ZBTB16: variants seen among roughly 807,000 people sequenced by gnomAD.
ZBTB16 encodes zinc finger and BTB domain containing 16.
A neutral mutation model predicts 56.8 loss-of-function variants in ZBTB16; 8 were observed. The ratio of observed to expected loss-of-function variants is 0.14; its 90% CI spans 0.08 to 0.25. The LOEUF (loss-of-function observed/expected upper bound fraction) is 0.25. Ranked by LOEUF, ZBTB16 falls within the 10% of genes least tolerant of loss-of-function variation. The pLI is 1.00. For synonymous variants in ZBTB16, 363 were observed against 368.5 expected, an observed-to-expected ratio of 0.98 and a Z score of 0.17; for missense variants, 625 against 903.0, an observed-to-expected ratio of 0.69 and a Z score of 3.95.
At position 114,064,379 on chromosome 11, in the gene ZBTB16, C is replaced by G; in HGVS notation, c.1079C>G (p.Pro360Arg). 1 of 1,614,120 alleles carries G rather than the reference C, an allele frequency of 6.2e-7. No homozygotes were observed. The highest frequency in any genetic ancestry group is 1.1e-5 in the South Asian group (1 of 91,084). Residue 360 changes from proline to arginine, a missense_variant, in exon 2 of 7, where the codon CCT (proline) becomes CGT (arginine). Pro to Arg is a moderately radical substitution (Grantham distance 103). Coordinates refer to ENST00000335953, the MANE Select transcript of ZBTB16 (RefSeq NM_006006.6). The surrounding 1 kb of genome is among the most constrained non-coding windows in gnomAD (Gnocchi z 4.2). Reference protein sequence around the residue: ...SSVTSGLHVQPALAVSMDFST... With the variant: ...SSVTSGLHVQRALAVSMDFST... ...GTGACCTCTGGCCTCCACGTGCAGCCTGCCCTGGCTGTCTCCATGGACTTC... is the reference window on the plus strand; with the variant it reads ...GTGACCTCTGGCCTCCACGTGCAGCGTGCCCTGGCTGTCTCCATGGACTTC...
rs1179385194 is a variant in ZBTB16 at position 114,242,160 on chromosome 11, C to G, written c.1454-7C>G. 2 of 1,613,646 alleles carry G rather than the reference C, an allele frequency of 1.2e-6. No homozygotes were observed. The highest frequency in any genetic ancestry group is 1.1e-5 in the South Asian group (1 of 91,082). On this transcript the variant is annotated splice_region_variant and splice_polypyrimidine_tract_variant and intron_variant, in intron 4 of 6. Transcript: ENST00000335953. ...TTCTGAGGCACCCCCTCTCCTGTCT[C>G]CCACAGGCACTGACATGGCCGTCTT...
intron 2 of ZBTB16, 87 bp from the exon 3 acceptor site, chr11:114,156,250 G>T: frequency 7.4e-7 from 1 of 1,353,824 alleles, no homozygotes; most frequent in Non-Finnish European, 1.0e-6. Context: ...CTGCCAGAGG[G>T]ATGGCTGCCA....
intron 2 of ZBTB16, among the ~76,000 whole-genome samples, chr11:114,091,203 C>T (rs1210617027): frequency 2.6e-5 from 4 of 152,104 alleles, no homozygotes; most frequent in African/African-American, 4.8e-5. Context: ...TAAAAATTAA[C>T]GGGACGTTGT....
chr11:114,195,197 G>A (rs1166691320), intron 4 of ZBTB16, among the ~76,000 whole-genome samples: 1 of 152,212 alleles, frequency 6.6e-6, no homozygotes, highest in Admixed American at 6.5e-5. Context: ...GAGATAACTT[G>A]GCTGCTGAGC....
intron 2 of ZBTB16, among the ~76,000 whole-genome samples, chr11:114,145,590 A>C (rs1364795289): frequency 1.2e-4 from 18 of 152,214 alleles, no homozygotes; most frequent in Non-Finnish European, 2.9e-5. Context: ...AAAATAGGCA[A>C]ATCTGTAGAG....
At chr11:114,198,837 C>T (rs556335107) in intron 4 of ZBTB16, among the ~76,000 whole-genome samples, 22 of 152,324 alleles carry the variant, frequency 1.4e-4, no homozygotes, top group Admixed American at 5.9e-4. Context: ...TGTAAGGACA[C>T]GCATTCACCA....
At chr11:114,078,069 T>C (rs1358786722) in intron 2 of ZBTB16, among the ~76,000 whole-genome samples, 2 of 152,164 alleles carry the variant, frequency 1.3e-5, no homozygotes, top group Non-Finnish European at 2.9e-5. Context: ...CCTCTTTTAG[T>C]GGGCTGGAGA....
chr11:114,190,692 T>A (rs619151), intron 4 of ZBTB16, among the ~76,000 whole-genome samples: 1 of 151,656 alleles, frequency 6.6e-6, no homozygotes, highest in South Asian at 2.1e-4. Context: ...CCAGTGTCAG[T>A]AAGAGTCACT....
chr11:114,131,314 G>A (rs1230558411), intron 2 of ZBTB16, among the ~76,000 whole-genome samples: 1 of 152,074 alleles, frequency 6.6e-6, no homozygotes, highest in African/African-American at 2.4e-5. Context: ...AGAATTATTT[G>A]GTCCAAAATG....
At position 114,102,901 on chromosome 11, in the gene ZBTB16, A is replaced by G. The variant is rs79857824; in HGVS notation, c.1268+38333A>G. ...GCCACCCACACATTGGGAAGGGACA[A>G]TAGAGCCAGCTAAAGCTCTTTCTTT... is the stretch of plus-strand genomic sequence containing the variant. On this transcript the variant is annotated intron_variant, in intron 2 of 6. Transcript: ENST00000335953. Among the ~76,000 whole-genome samples, 576 of 152,304 alleles carry G rather than the reference A, an allele frequency of 3.8e-3. 5 individuals carry two copies. The highest frequency in any genetic ancestry group is 0.013 in the African/African-American group (545 of 41,568).
In ZBTB16 at chr11:114,209,164, G is replaced by T. The variant is rs527752179; in HGVS notation, c.1453+22126G>T. On this transcript the variant is annotated intron_variant, in intron 4 of 6. Coordinates refer to ENST00000335953, the MANE Select transcript of ZBTB16 (RefSeq NM_006006.6). ...GACTTGCATCATGGATGCAGAAAAG[G>T]TGGATAACCCAACTCTGGTGGGGTG... Among the ~76,000 whole-genome samples the T allele has an allele frequency of 2.0e-5, 3 of 152,214 alleles. No homozygotes were observed. In the South Asian group the frequency reaches 6.2e-4, roughly 32 times the overall value.
At chr11:114,129,799 T>C (rs1941612824) in intron 2 of ZBTB16, among the ~76,000 whole-genome samples, 1 of 152,210 alleles carries the variant, frequency 6.6e-6, no homozygotes, top group African/African-American at 2.4e-5. Context: ...CCCTTTTCTA[T>C]CTCTGTTCCT....
chr11:114,070,785 T>G (rs1446744330), intron 2 of ZBTB16, among the ~76,000 whole-genome samples: 1 of 152,240 alleles, frequency 6.6e-6, no homozygotes, highest in Non-Finnish European at 1.5e-5. Context: ...TATTTATGGC[T>G]GCCTTGTCAT....
chr11:114,179,656 T>G (rs1943199497), intron 3 of ZBTB16, among the ~76,000 whole-genome samples: 1 of 152,162 alleles, frequency 6.6e-6, no homozygotes. Flanking sequence ...CAGTGGTTCT[T>G]TTTTTTCTCC....
intron 2 of ZBTB16, among the ~76,000 whole-genome samples, chr11:114,067,974 C>T (rs28567588): frequency 0.016 from 2,400 of 150,848 alleles, 68 homozygotes; most frequent in African/African-American, 0.055. Flanking sequence ...TCTCTGTCTC[C>T]CCCCAACCCA....
chr11:114,101,353 C>G (rs1300464996), intron 2 of ZBTB16, among the ~76,000 whole-genome samples: 1 of 152,106 alleles, frequency 6.6e-6, no homozygotes, highest in Non-Finnish European at 1.5e-5. Flanking sequence ...GGATCATTAC[C>G]TATAAAGTAA....
At chr11:114,124,556 C>CCAAAAAAAAAAAAAAAAAAAA in intron 2 of ZBTB16, among the ~76,000 whole-genome samples, 1 of 79,636 alleles carries the variant, frequency 1.3e-5, no homozygotes, top group Non-Finnish European at 2.9e-5. Context: ...AAAAAAAAAA[C>CCAAAAAAAAAAAAAAAAAAAA]CAAAAAAAAA....
intron 5 of ZBTB16, among the ~76,000 whole-genome samples, chr11:114,246,526 T>C (rs1031906215): frequency 4.4e-4 from 67 of 152,308 alleles, no homozygotes; most frequent in African/African-American, 1.4e-3. Flanking sequence ...GGCATAAAAA[T>C]GATACCACAC....
intron 4 of ZBTB16, among the ~76,000 whole-genome samples, chr11:114,210,351 T>G (rs1170071095): frequency 1.3e-5 from 2 of 152,168 alleles, no homozygotes; most frequent in Non-Finnish European, 2.9e-5. Flanking sequence ...TTCTTTCACT[T>G]TGGTCTTAAT....
Sources: gnomAD v4.1 joint callset for allele counts (sites outside exome capture counted in the v4.1 genomes callset) on GRCh38, gnomAD v4.1.1 for gene constraint, Gnocchi (gnomAD v3.1) non-coding constraint, MANE v1.5 for transcripts, NCBI Gene and HGNC (gene_info 2026-07-23, HGNC 2026-07-21) for gene names.